PEBP4: variants seen among roughly 807,000 people sequenced by gnomAD.
PEBP4 encodes phosphatidylethanolamine-binding protein 4.
PEBP4 carries 22 observed loss-of-function variants against 23.9 expected under a neutral mutation model. That is an observed-to-expected ratio of 0.92 (90% CI 0.66 to 1.31). The LOEUF is 1.31. PEBP4 is among the 40% of genes most tolerant of loss of function. The probability of loss-of-function intolerance (pLI) is 0.00; values close to 1 mark genes in which losing one functional copy is unlikely to be tolerated. For missense variants in PEBP4, 324 were observed against 281.7 expected (o/e 1.15, Z -1.07); for synonymous variants, 112 against 99.3 (o/e 1.13, Z -0.76).
Position 22,713,391 on chromosome 8 carries a change from C to T in PEBP4, c.663G>A (p.Gln221=), listed in dbSNP as rs61732772. 23,876 of 1,588,280 alleles carry T rather than the reference C, an allele frequency of 0.015. 232 individuals carry two copies. The highest frequency in any genetic ancestry group is 0.023 in the Middle Eastern group (118 of 5,126). ...CTATCTAGCAGGCAGCTATCTCCGCCTGGTTTTTGTGCTTGGGCTCGCTGG... is the reference window on the plus strand; with the variant it reads ...CTATCTAGCAGGCAGCTATCTCCGCTTGGTTTTTGTGCTTGGGCTCGCTGG... The part of the protein sequence containing the change: ...ERASEPKHKN[Q]AEIAAC Residue 221 remains glutamine (Q), a synonymous_variant, in exon 7 of 7, where the codon CAG becomes CAA. Transcript: ENST00000256404.
At chr8:22,776,674 C>T (rs1805820614) in intron 4 of PEBP4, among the ~76,000 whole-genome samples, 1 of 151,568 alleles carries the variant, frequency 6.6e-6, no homozygotes, top group African/African-American at 2.4e-5. Context: ...CTACTTTCAC[C>T]ATCTATTCCC....
At chr8:22,853,007 G>C (rs1414981586) in intron 3 of PEBP4, among the ~76,000 whole-genome samples, 1 of 152,188 alleles carries the variant, frequency 6.6e-6, no homozygotes, top group Non-Finnish European at 1.5e-5. Context: ...GCTTCCAAGC[G>C]AGCTGCGAAG....
intron 3 of PEBP4, among the ~76,000 whole-genome samples, chr8:22,853,580 G>C (rs1402063687): frequency 6.6e-6 from 1 of 152,196 alleles, no homozygotes; most frequent in Admixed American, 6.5e-5. Context: ...TAGGAATAGA[G>C]GGAACCAGGG....
intron 4 of PEBP4, among the ~76,000 whole-genome samples, chr8:22,732,897 T>C (rs1203060485): frequency 6.6e-6 from 1 of 152,136 alleles, no homozygotes; most frequent in Non-Finnish European, 1.5e-5. Flanking sequence ...AGCCTGGAAC[T>C]TGCAAGCGAG....
chr8:22,809,271 CA>C (rs1806565508), intron 4 of PEBP4, among the ~76,000 whole-genome samples: 1 of 152,112 alleles, frequency 6.6e-6, no homozygotes, highest in Non-Finnish European at 1.5e-5. Context: ...GGGAGGTAAA[CA>C]ATTTGCTCAT....
At chr8:22,749,097 G>A (rs1805191069) in intron 4 of PEBP4, among the ~76,000 whole-genome samples, 1 of 152,168 alleles carries the variant, frequency 6.6e-6, no homozygotes, top group Admixed American at 6.5e-5. Flanking sequence ...AGCACCAGTG[G>A]AGCTTCTGCA....
chr8:22,870,715 C>G (rs1188659497), intron 3 of PEBP4, among the ~76,000 whole-genome samples: 4 of 152,150 alleles, frequency 2.6e-5, no homozygotes, highest in African/African-American at 9.7e-5. Flanking sequence ...TGGGAACTTT[C>G]TGCAGCTTCT....
chr8:22,842,068 T>C (rs1405608691), intron 3 of PEBP4, among the ~76,000 whole-genome samples: 1 of 152,246 alleles, frequency 6.6e-6, no homozygotes, highest in African/African-American at 2.4e-5. Context: ...CAGTCTTGGT[T>C]ATCAAACCCT....
At chr8:22,769,219 T>G (rs1350061921) in intron 4 of PEBP4, among the ~76,000 whole-genome samples, 1 of 152,170 alleles carries the variant, frequency 6.6e-6, no homozygotes, top group Non-Finnish European at 1.5e-5. Flanking sequence ...GGCACGCCAT[T>G]GAGGTTGCTC....
intron 3 of PEBP4, among the ~76,000 whole-genome samples, chr8:22,874,258 GA>G (rs1000967402): frequency 4.3e-4 from 65 of 151,686 alleles, no homozygotes; most frequent in Non-Finnish European, 7.4e-4. Flanking sequence ...AAATGAAGAG[GA>G]AAAAAAATTA....
chr8:22,839,570 C>A (rs1459337078), intron 3 of PEBP4, among the ~76,000 whole-genome samples: 1 of 152,174 alleles, frequency 6.6e-6, no homozygotes, highest in Non-Finnish European at 1.5e-5. Flanking sequence ...GAGGGTTCTT[C>A]TGGCGAAAAG....
At chr8:22,737,139 C>T (rs1354001533) in intron 4 of PEBP4, among the ~76,000 whole-genome samples, 1 of 151,818 alleles carries the variant, frequency 6.6e-6, no homozygotes, top group East Asian at 1.9e-4. Context: ...ATTAAAAATA[C>T]AAAAATTAGC....
chr8:22,806,339 G>A (rs899749040), intron 4 of PEBP4, among the ~76,000 whole-genome samples: 4 of 152,052 alleles, frequency 2.6e-5, no homozygotes, highest in African/African-American at 4.8e-5. Flanking sequence ...CAAGGTAGCC[G>A]GGTGTGGTGG....
intron 4 of PEBP4, among the ~76,000 whole-genome samples, chr8:22,792,158 T>C (rs1005657064): frequency 1.3e-5 from 2 of 152,044 alleles, no homozygotes; most frequent in African/African-American, 2.4e-5. Context: ...AGCACCCAAC[T>C]TGGATTTTTA....
At chr8:22,840,674 G>A (rs1036043462) in intron 3 of PEBP4, among the ~76,000 whole-genome samples, 3 of 152,186 alleles carry the variant, frequency 2.0e-5, no homozygotes, top group African/African-American at 7.2e-5. Context: ...AGAATGTGGG[G>A]AAAATGTGAA....
chr8:22,865,460 C>A lies in PEBP4; in HGVS notation c.259-47725G>T, dbSNP rs1486311785. 2.0e-5 allele frequency among the ~76,000 whole-genome samples: 3 copies of A among 151,910 alleles called. No individual in the cohort carries two copies. Among genetic ancestry groups the A allele is most frequent in the South Asian group, 2.1e-4 (1 of 4,820 alleles). ...TTGGGCGGGGGCCGCACTTTCCCCG[C>A]CGCGAGGTGGAGCGCGCCACCGCCC... On this transcript the variant is annotated intron_variant, in intron 3 of 6. Transcript: ENST00000256404. The surrounding 1 kb of genome is among the most constrained non-coding windows in gnomAD (Gnocchi z 6.9).
At chr8:22,807,943 CTCTA>C (rs923357663) in intron 4 of PEBP4, among the ~76,000 whole-genome samples, 1 of 150,442 alleles carries the variant, frequency 6.6e-6, no homozygotes, top group African/African-American at 2.4e-5. Flanking sequence ...CCTACTAAAC[CTCTA>C]TCCATTCATT....
intron 4 of PEBP4, among the ~76,000 whole-genome samples, chr8:22,810,622 T>A (rs919399743): frequency 1.3e-5 from 2 of 149,950 alleles, no homozygotes; most frequent in African/African-American, 4.9e-5. Flanking sequence ...GAGTTCAGAG[T>A]TGGGTGAGCG....
rs549657968 is a variant in PEBP4, at chr8:22,815,678, C to T, written c.357+1959G>A. Reference sequence around the variant, plus strand: ...GAGCGGGAAGGCCGAGGGCCGCACCCGGGCAGGTGGCACTGGTAAGCTCTG... The same window carrying T: ...GAGCGGGAAGGCCGAGGGCCGCACCTGGGCAGGTGGCACTGGTAAGCTCTG... On this transcript the variant is annotated intron_variant, in intron 4 of 6. Coordinates refer to ENST00000256404, the MANE Select transcript of PEBP4 (RefSeq NM_144962.3). 9.8e-5 allele frequency among the ~76,000 whole-genome samples: 15 copies of T among 152,322 alleles called. No homozygotes were observed. The South Asian group carries it at 2.3e-3, about 23-fold the overall frequency.
Sources: gnomAD v4.1 joint callset for allele counts (sites outside exome capture counted in the v4.1 genomes callset) on GRCh38, gnomAD v4.1.1 for gene constraint, Gnocchi (gnomAD v3.1) non-coding constraint, MANE v1.5 for transcripts, NCBI Gene and HGNC (gene_info 2026-07-23, HGNC 2026-07-21) for gene names.